NLRX1: variants seen among roughly 807,000 people sequenced by gnomAD.
NLRX1 encodes NLR family member X1, also known as NOD-like receptor X1.
In NLRX1, 67 loss-of-function variants were observed where a neutral mutation model predicts 74.2. The observed-to-expected ratio is 0.90, with a 90% CI of 0.74 to 1.11. The LOEUF (loss-of-function observed/expected upper bound fraction) is 1.11, where lower values mean the gene tolerates loss of function less well. Ranked by LOEUF, NLRX1 falls within the 50% of genes least tolerant of loss-of-function variation. The pLI, the probability that NLRX1 is intolerant of heterozygous loss-of-function variation, is 0.00. For synonymous variants in NLRX1, 506 were observed against 559.1 expected (o/e 0.91, Z 1.34); for missense variants, 1,191 against 1,305.4 (o/e 0.91, Z 1.35).
In NLRX1 at chr11:119,172,945, C is replaced by T. The variant is rs373665054; in HGVS notation, c.185C>T (p.Pro62Leu). 1.4e-5 allele frequency: 22 copies of T among 1,613,864 alleles called. No homozygotes were observed. The African/African-American group carries it at 2.1e-4, about 16-fold the overall frequency. The change falls in exon 4 of 10, where the codon CCA becomes CTA. Residue 62 changes from proline to leucine, a missense_variant. Physicochemically the swap from Pro to Leu is moderately conservative, Grantham distance 98. Transcript: ENST00000409109. ...GGAAGCTCGGTAGATAGCGCTCCCC[C>T]ACCCGGGAGGCATGGACGGCTGTTC... Reference protein sequence around the residue: ...HHGSSVDSAPPPGRHGRLFPS... With the variant: ...HHGSSVDSAPLPGRHGRLFPS...
chr11:119,183,723 G>A lies in NLRX1; in HGVS notation c.*284G>A, dbSNP rs1437467383. ...AGCATGTGGCATTTGGATGGCCAGAGTGCCCTGAAGCACCACTACCAACCT... is the reference window on the plus strand; with the variant it reads ...AGCATGTGGCATTTGGATGGCCAGAATGCCCTGAAGCACCACTACCAACCT... On this transcript the variant is annotated 3_prime_UTR_variant, in exon 10 of 10. Transcript: ENST00000409109. The surrounding 1 kb of genome is among the most constrained non-coding windows in gnomAD (Gnocchi z 5.7). The A allele has an allele frequency of 3.9e-6, 3 of 773,980 alleles. No individual in the cohort carries two copies. The Admixed American group carries it at 5.1e-5, about 13-fold the overall frequency. 47.9% of individuals were successfully genotyped at this position (773,980 alleles called of 1,614,324 possible).
rs772750434 is a variant in NLRX1, at chr11:119,174,472, C to T, written c.869C>T (p.Thr290Ile). ...TCCCAGGCCAGCATTCTGGTGACCACTCGGCCCTCTGCCATTGGCCGTATC... is the reference window on the plus strand; with the variant it reads ...TCCCAGGCCAGCATTCTGGTGACCATTCGGCCCTCTGCCATTGGCCGTATC... ...MLPQASILVT[T>I]RPSAIGRIPS... Residue 290 changes from threonine (T) to isoleucine (I), a missense_variant, in exon 6 of 10, where the codon ACT (threonine) becomes ATT (isoleucine). By Grantham distance (89) the Thr-to-Ile change is moderately conservative. Transcript: ENST00000409109. 1.1e-5 allele frequency: 17 copies of T among 1,613,954 alleles called. No individual in the cohort carries two copies. Among genetic ancestry groups the T allele is most frequent in the Non-Finnish European group, 1.4e-5 (16 of 1,179,846 alleles).
In NLRX1 at chr11:119,180,288, G is replaced by A. The variant is rs771700739; in HGVS notation, c.2267G>A (p.Gly756Asp). ...LPVFLRARKLGLQLNSLGPEA... is the reference protein window; with the variant it reads ...LPVFLRARKLDLQLNSLGPEA... ...GTCTTCCTGCGTGCCCGGAAGCTGG[G>A]GTGAGGACCTATCCTCATGCACAGG... The change falls in exon 7 of 10, where the codon GGC becomes GAC. Residue 756 changes from glycine (G) to aspartate (D), a missense_variant and splice_region_variant. Physicochemically the swap from Gly to Asp is moderately conservative, Grantham distance 94. Transcript: ENST00000409109. 4 of 1,572,050 alleles carry A rather than the reference G, an allele frequency of 2.5e-6. No individual in the cohort carries two copies. Among genetic ancestry groups the A allele is most frequent in the Non-Finnish European group, 3.5e-6 (4 of 1,153,016 alleles).
Position 119,183,550 on chromosome 11 carries a change from C to T in NLRX1, c.*111C>T, listed in dbSNP as rs76694140. The stretch of plus-strand genomic sequence containing the variant: ...AGAAAGATTCCTTCAGGTCTGGAGG[C>T]AGAGGAATGGGCATAGCTGAGCCAG... On this transcript the variant is annotated 3_prime_UTR_variant, in exon 10 of 10. Coordinates refer to ENST00000409109, the MANE Select transcript of NLRX1 (RefSeq NM_001282144.2). The surrounding 1 kb of genome is among the most constrained non-coding windows in gnomAD (Gnocchi z 5.7). 802 of 1,105,768 alleles carry T rather than the reference C, an allele frequency of 7.3e-4. 6 individuals are homozygous for T. The African/African-American group carries it at 0.011, about 16-fold the overall frequency. The allele number at this position is 1,105,768 out of a possible 1,614,324, so 68.5% of individuals were successfully genotyped here.
intron 6 of NLRX1, among the ~76,000 whole-genome samples, chr11:119,175,893 T>C (rs1948692436): frequency 3.9e-5 from 6 of 152,214 alleles, no homozygotes; most frequent in Admixed American, 3.9e-4. Flanking sequence ...CCACTCTGTG[T>C]GATGTGTGCC....
In NLRX1 at chr11:119,180,037, A is replaced by C. The variant is rs116223944; in HGVS notation, c.2016A>C (p.Pro672=). ...LGKLGRQVLP[P]SELLDHLFFH... ...AGCTGGGCCGGCAGGTGCTGCCCCCATCAGAGCTCCTTGACCACCTCTTCT... is the reference window on the plus strand; with the variant it reads ...AGCTGGGCCGGCAGGTGCTGCCCCCCTCAGAGCTCCTTGACCACCTCTTCT... Residue 672 remains proline, a synonymous_variant, in exon 7 of 10, where the codon CCA becomes CCC. Transcript: ENST00000409109. 3,353 of 1,613,630 alleles carry C rather than the reference A, an allele frequency of 2.1e-3. 49 individuals carry two copies. The African/African-American group carries it at 0.033, about 16-fold the overall frequency.
intron 7 of NLRX1, 122 bp downstream of exon 7, chr11:119,180,410 A>G: frequency 9.9e-6 from 8 of 811,686 alleles, no homozygotes; most frequent in Admixed American, 2.9e-5. Context: ...GGGATGAAGA[A>G]GTCTAGTTTA....
At position 119,180,011 on chromosome 11, in the gene NLRX1, A is replaced by T. The variant is rs749477688; in HGVS notation, c.1990A>T (p.Lys664Ter). The change falls in exon 7 of 10, where the codon AAG becomes TAG. Residue 664 changes from lysine (K) to a stop codon, truncating the protein, a stop_gained. Coordinates refer to ENST00000409109, the MANE Select transcript of NLRX1 (RefSeq NM_001282144.2). LOFTEE classifies it high-confidence loss of function. The stretch of plus-strand genomic sequence containing the variant: ...CCAGGCCATCAAGAAGAAGCTGGGC[A>T]AGCTGGGCCGGCAGGTGCTGCCCCC... ...NAQAIKKKLG[K>*]LGRQVLPPSE... 6.2e-7 allele frequency: 1 copy of T among 1,613,732 alleles called. No individual in the cohort carries two copies. Among genetic ancestry groups the T allele is most frequent in the South Asian group, 1.1e-5 (1 of 91,084 alleles).
At chr11:119,171,066 C>T (rs1948530562) in intron 1 of NLRX1, among the ~76,000 whole-genome samples, 1 of 152,108 alleles carries the variant, frequency 6.6e-6, no homozygotes, top group Admixed American at 6.5e-5. Flanking sequence ...TCGCTTGGGC[C>T]CGGGAGGCAT....
chr11:119,172,693 A>C (rs1339899047), intron 3 of NLRX1, among the ~76,000 whole-genome samples: 1 of 152,176 alleles, frequency 6.6e-6, no homozygotes, highest in African/African-American at 2.4e-5. Flanking sequence ...GCGGGCAGTC[A>C]GCAGTGGGGT....
In NLRX1 at chr11:119,173,213, GCTCA is replaced by G. The variant is rs1211534034; in HGVS notation, c.229+225_229+228del. 5 of 613,810 alleles carry G rather than the reference GCTCA, an allele frequency of 8.1e-6. No homozygotes were observed. In the African/African-American group the frequency reaches 9.3e-5, roughly 11 times the overall value. The allele number at this position is 613,810 out of a possible 1,614,324, so 38.0% of individuals were successfully genotyped here. A position where few individuals can be genotyped will look rare whatever the true frequency, so the allele number is the denominator to read the frequency against. On this transcript the variant is annotated intron_variant, in intron 4 of 9. Coordinates refer to ENST00000409109, the MANE Select transcript of NLRX1 (RefSeq NM_001282144.2). This position sits in a 1 kb window ranked among gnomAD's most constrained non-coding sequence, Gnocchi z 4.0. The stretch of plus-strand genomic sequence containing the variant: ...GCTAGGAGAGCCATACCATCCCTAT[GCTCA>G]ACAAAGTTGGGTCAAGCAGGTTAAG...
chr11:119,175,301 C>CA (rs200419865), intron 6 of NLRX1, 27 bp downstream of exon 6: 3 of 1,585,484 alleles, frequency 1.9e-6, no homozygotes, highest in Non-Finnish European at 2.6e-6. Flanking sequence ...GGTAACCCCC[C>CA]AACCTGCTCC....
Position 119,180,019 on chromosome 11 carries a change from C to A in NLRX1, c.1998C>A (p.Gly666=). 1 of 1,613,654 alleles carries A rather than the reference C, an allele frequency of 6.2e-7. No individual in the cohort carries two copies. Among genetic ancestry groups the A allele is most frequent in the Non-Finnish European group, 8.5e-7 (1 of 1,180,008 alleles). Residue 666 remains glycine, a synonymous_variant, in exon 7 of 10, where the codon GGC becomes GGA. Transcript: ENST00000409109. ...TCAAGAAGAAGCTGGGCAAGCTGGG[C>A]CGGCAGGTGCTGCCCCCATCAGAGC... ...QAIKKKLGKL[G]RQVLPPSELL...
rs1014334539 is a variant in NLRX1, at chr11:119,179,846, C to T, written c.1825C>T (p.Arg609Cys). The T allele has an allele frequency of 7.4e-6, 12 of 1,613,830 alleles. No individual in the cohort carries two copies. Among genetic ancestry groups the T allele is most frequent in the African/African-American group, 5.3e-5 (4 of 74,884 alleles). Residue 609 changes from arginine (R) to cysteine (C), a missense_variant, in exon 7 of 10, where the codon CGC becomes TGC. Physicochemically the swap from Arg to Cys is radical, Grantham distance 180. Transcript: ENST00000409109. Reference sequence around the variant, plus strand: ...TATCCTGGGCGTGGAGGGCCCCCGGCGCCACCCAGATGAGCCCCCTGAGGA... The same window carrying T: ...TATCCTGGGCGTGGAGGGCCCCCGGTGCCACCCAGATGAGCCCCCTGAGGA... ...ASILGVEGPRRHPDEPPEDEV... is the reference protein window; with the variant it reads ...ASILGVEGPRCHPDEPPEDEV...
chr11:119,170,372 A>G (rs1378370396), intron 1 of NLRX1, among the ~76,000 whole-genome samples: 3 of 152,156 alleles, frequency 2.0e-5, no homozygotes, highest in African/African-American at 4.8e-5. Flanking sequence ...CACACTGCCT[A>G]AAGGAGCAAG....
rs145215170 is a variant in NLRX1, at chr11:119,172,887, C to G, written c.141-14C>G. On this transcript the variant is annotated splice_polypyrimidine_tract_variant and intron_variant, in intron 3 of 9. Coordinates refer to ENST00000409109, the MANE Select transcript of NLRX1 (RefSeq NM_001282144.2). Reference sequence around the variant, plus strand: ...AGTTACAAGTCCCAGCTCATCCCCTCTCCTTGTTCCCAGGGCCTTTATACG... The same window carrying G: ...AGTTACAAGTCCCAGCTCATCCCCTGTCCTTGTTCCCAGGGCCTTTATACG... 615 of 1,607,278 alleles carry G rather than the reference C, an allele frequency of 3.8e-4. 4 individuals are homozygous for G. The East Asian group carries it at 8.8e-3, about 23-fold the overall frequency.
intron 7 of NLRX1, among the ~76,000 whole-genome samples, chr11:119,180,701 C>CAAAA (rs1302396352): frequency 1.2e-5 from 1 of 84,470 alleles, no homozygotes. Flanking sequence ...AACTCCGTCT[C>CAAAA]AAAAAAAAAA....
chr11:119,181,282 C>G, intron 8 of NLRX1, 25 bp downstream of exon 8: 1 of 1,583,178 alleles, frequency 6.3e-7, no homozygotes, highest in Non-Finnish European at 8.7e-7. Context: ...AGTGGGGCAT[C>G]CTGGTGGCCA....
chr11:119,182,919 CA>C (rs371710220), intron 9 of NLRX1, among the ~76,000 whole-genome samples, 198 bp from the exon 10 acceptor site: 853 of 140,656 alleles, frequency 6.1e-3, no homozygotes, highest in African/African-American at 0.013. Flanking sequence ...AAAACAAAAA[CA>C]AAAAAAAAAA....
Sources: allele counts gnomAD v4.1 joint callset (sites outside exome capture counted in the v4.1 genomes callset), GRCh38; gene constraint gnomAD v4.1.1; non-coding constraint Gnocchi (gnomAD v3.1); transcripts MANE v1.5; gene names NCBI Gene and HGNC (gene_info 2026-07-23, HGNC 2026-07-21).